AMPH: variants seen among roughly 807,000 people sequenced by gnomAD.
AMPH encodes the protein amphiphysin (Stiff-Mann syndrome with breast cancer 128kD autoantigen).
Under a neutral mutation model 99.1 loss-of-function variants are expected in AMPH, and 49 were observed. The observed-to-expected ratio is 0.49, with a 90% CI of 0.39 to 0.63. The LOEUF (loss-of-function observed/expected upper bound fraction) is 0.63. Ranked by LOEUF, AMPH falls within the 20% of genes least tolerant of loss-of-function variation. The probability of loss-of-function intolerance (pLI) is 0.00; values close to 1 mark genes in which losing one functional copy is unlikely to be tolerated. For synonymous variants in AMPH, 314 were observed against 317.3 expected, an observed-to-expected ratio of 0.99 and a Z score of 0.11; for missense variants, 759 against 863.4, an observed-to-expected ratio of 0.88 and a Z score of 1.52.
intron 1 of AMPH, among the ~76,000 whole-genome samples, chr7:38,560,934 T>C (rs902461811): frequency 6.6e-6 from 1 of 152,252 alleles, no homozygotes; most frequent in South Asian, 2.1e-4. Flanking sequence ...TGATATGTTA[T>C]ATTTATTACT....
At chr7:38,423,428 C>T (rs937967078) in intron 15 of AMPH, among the ~76,000 whole-genome samples, 2 of 152,206 alleles carry the variant, frequency 1.3e-5, no homozygotes, top group Non-Finnish European at 2.9e-5. Flanking sequence ...AAGAAATTGA[C>T]ATCAGGGGAT....
chr7:38,406,776 C>T (rs1024664692), intron 17 of AMPH, among the ~76,000 whole-genome samples: 1 of 118,600 alleles, frequency 8.4e-6, no homozygotes, highest in Non-Finnish European at 1.7e-5. Flanking sequence ...CTCTCTCTCT[C>T]GTGCTGGATG....
At position 38,525,445 on chromosome 7, in the gene AMPH, C is replaced by CGTGTGTGTGT. The variant is rs146505083; in HGVS notation, c.150+9476_150+9485dup. On this transcript the variant is annotated intron_variant, in intron 2 of 20. Transcript: ENST00000356264. ...CCAGTTTTACCTGTACTCATTTGTG[C>CGTGTGTGTGT]GTGTGTGTGTGTGTGTGTGTGTGTG... is the stretch of plus-strand genomic sequence containing the variant. Among the ~76,000 whole-genome samples, 323 of 125,484 alleles carry CGTGTGTGTGT rather than the reference C, an allele frequency of 2.6e-3. 4 individuals carry two copies. Among genetic ancestry groups the CGTGTGTGTGT allele is most frequent in the African/African-American group, 7.9e-3 (275 of 34,608 alleles). 82.3% of individuals were successfully genotyped at this position (125,484 alleles called of 152,430 possible). A position where few individuals can be genotyped will look rare whatever the true frequency, so the allele number is the denominator to read the frequency against.
intron 11 of AMPH, among the ~76,000 whole-genome samples, chr7:38,453,340 C>T (rs1787105548): frequency 6.6e-6 from 1 of 152,114 alleles, no homozygotes; most frequent in African/African-American, 2.4e-5. Context: ...TTCCCAGCAG[C>T]CTTGGGGTTA....
At chr7:38,586,369 T>A (rs1185938472) in intron 1 of AMPH, among the ~76,000 whole-genome samples, 2 of 152,174 alleles carry the variant, frequency 1.3e-5, no homozygotes, top group African/African-American at 4.8e-5. Flanking sequence ...TACAGTGGTG[T>A]CTCAAATTTT....
chr7:38,398,272 C>T (rs1461198540), intron 17 of AMPH, among the ~76,000 whole-genome samples: 1 of 151,032 alleles, frequency 6.6e-6, no homozygotes, highest in East Asian at 1.9e-4. Flanking sequence ...TCACAATAGC[C>T]AAGATTTGGA....
intron 2 of AMPH, among the ~76,000 whole-genome samples, chr7:38,527,260 T>G (rs1212027061): frequency 6.6e-6 from 1 of 152,236 alleles, no homozygotes; most frequent in Non-Finnish European, 1.5e-5. Flanking sequence ...CATGTAAATT[T>G]TAGAATAAGT....
intron 17 of AMPH, among the ~76,000 whole-genome samples, chr7:38,403,923 T>C (rs1379603732): frequency 6.6e-6 from 1 of 152,170 alleles, no homozygotes; most frequent in Non-Finnish European, 1.5e-5. Context: ...CTATGCCATT[T>C]GGGTTTGCAC....
intron 5 of AMPH, 76 bp from the exon 6 acceptor site, chr7:38,477,045 T>C: frequency 1.5e-6 from 2 of 1,314,554 alleles, no homozygotes; most frequent in African/African-American, 1.4e-5. Context: ...GGTGCCAAAA[T>C]GCTTTCCTTG....
At chr7:38,525,957 T>C (rs1790170417) in intron 2 of AMPH, among the ~76,000 whole-genome samples, 1 of 152,236 alleles carries the variant, frequency 6.6e-6, no homozygotes. Flanking sequence ...TTCTATGGGA[T>C]AAATGCATAA....
chr7:38,422,632 A>AT lies in AMPH; in HGVS notation c.1216-156dup, dbSNP rs1002332312. On this transcript the variant is annotated intron_variant, in intron 15 of 20. Coordinates refer to ENST00000356264, the MANE Select transcript of AMPH (RefSeq NM_001635.4). Reference sequence around the variant, plus strand: ...TATCTATCGACACTCTATCTATCTAATTTTTTTTTGAGAAAGGGTCTCCTC... The same window carrying AT: ...TATCTATCGACACTCTATCTATCTAATTTTTTTTTTGAGAAAGGGTCTCCTC... Among the ~76,000 whole-genome samples the AT allele has an allele frequency of 2.8e-4, 41 of 148,608 alleles. No homozygotes were observed. The East Asian group carries it at 4.1e-3, about 15-fold the overall frequency.
chr7:38,540,356 G>A (rs1458536522), intron 1 of AMPH, among the ~76,000 whole-genome samples: 5 of 152,032 alleles, frequency 3.3e-5, no homozygotes, highest in Non-Finnish European at 7.4e-5. Flanking sequence ...GTGAGATTCT[G>A]ACATATTCTG....
chr7:38,541,235 T>A (rs1422287829), intron 1 of AMPH, among the ~76,000 whole-genome samples: 1 of 152,034 alleles, frequency 6.6e-6, no homozygotes, highest in African/African-American at 2.4e-5. Flanking sequence ...GTGCTCACCC[T>A]AACACTACAA....
Position 38,476,985 on chromosome 7 carries a change from G to A in AMPH, c.397-16C>T. ...CGATGCGATTCTGTCAACAGGAAAT[G>A]CACTCACTAAGAAAGAAGCATGGAC... On this transcript the variant is annotated splice_polypyrimidine_tract_variant and intron_variant, in intron 5 of 20. Transcript: ENST00000356264. 6.2e-7 allele frequency: 1 copy of A among 1,608,772 alleles called. No individual in the cohort carries two copies.
Position 38,463,064 on chromosome 7 carries a change from G to A in AMPH, c.799C>T (p.Pro267Ser). 6.2e-7 allele frequency: 1 copy of A among 1,612,490 alleles called. No individual in the cohort carries two copies. The highest frequency in any genetic ancestry group is 8.5e-7 in the Non-Finnish European group (1 of 1,179,206). ...GCTGTCGGGCTCGGGAGGGGTGAAG[G>A]CTCCTCAGGCGGTGATGGTGTCTTT... ...IAKTPSPPEE[P>S]SPLPSPTASP... Residue 267 changes from proline to serine, a missense_variant, in exon 10 of 21, where the codon CCT becomes TCT. Pro to Ser is a moderately conservative substitution (Grantham distance 74, BLOSUM62 -1). Coordinates refer to ENST00000356264, the MANE Select transcript of AMPH (RefSeq NM_001635.4).
intron 1 of AMPH, among the ~76,000 whole-genome samples, chr7:38,559,364 C>T (rs530937575): frequency 5.2e-4 from 79 of 152,286 alleles, no homozygotes; most frequent in South Asian, 5.0e-3. Context: ...ATTTTTAGGC[C>T]GGAGAACAAC....
intron 18 of AMPH, among the ~76,000 whole-genome samples, chr7:38,393,686 T>C (rs971716990): frequency 6.6e-6 from 1 of 152,164 alleles, no homozygotes; most frequent in African/African-American, 2.4e-5. Flanking sequence ...ACATTCTCTT[T>C]CTCCCGGCTC....
At chr7:38,458,424 C>A (rs565961477) in intron 11 of AMPH, among the ~76,000 whole-genome samples, 1 of 152,114 alleles carries the variant, frequency 6.6e-6, no homozygotes, top group African/African-American at 2.4e-5. Context: ...AAACTATAAG[C>A]AAATATTCAT....
chr7:38,544,905 T>C (rs1167497380), intron 1 of AMPH, among the ~76,000 whole-genome samples: 1 of 152,226 alleles, frequency 6.6e-6, no homozygotes, highest in African/African-American at 2.4e-5. Flanking sequence ...GTTGATCCAA[T>C]GGAAGAGATT....
Sources: allele counts gnomAD v4.1 joint callset (sites outside exome capture counted in the v4.1 genomes callset), GRCh38; gene constraint gnomAD v4.1.1; transcripts MANE v1.5; gene names NCBI Gene and HGNC (gene_info 2026-07-23, HGNC 2026-07-21).